STK24: variants seen among roughly 807,000 people sequenced by gnomAD.
STK24 encodes the protein serine/threonine-protein kinase 24.
A neutral mutation model predicts 55.6 loss-of-function variants in STK24; 21 were observed. The ratio of observed to expected loss-of-function variants is 0.38; its 90% CI spans 0.27 to 0.54. STK24 has a LOEUF of 0.54. STK24 is among the 20% of genes least tolerant of loss of function. The pLI, the probability that STK24 is intolerant of heterozygous loss-of-function variation, is 0.79. For synonymous variants in STK24, 200 were observed against 215.2 expected (o/e 0.93, Z 0.62); for missense variants, 383 against 538.4 (o/e 0.71, Z 2.86).
chr13:98,551,478 C>T (rs867236481), intron 1 of STK24, among the ~76,000 whole-genome samples: 42 of 151,256 alleles, frequency 2.8e-4, no homozygotes, highest in Admixed American at 5.3e-4. Flanking sequence ...CACCTTTATC[C>T]TACTCCAAAC....
rs535496829 is a variant in STK24, at chr13:98,450,477, C to G, written c.*2696G>C. 1.3e-5 allele frequency: 2 copies of G among 152,386 alleles called. No homozygotes were observed. The highest frequency in any genetic ancestry group is 2.1e-4 in the South Asian group (1 of 4,826). 9.4% of individuals were successfully genotyped at this position (152,386 alleles called of 1,614,324 possible). A position where few individuals can be genotyped will look rare whatever the true frequency, so the allele number is the denominator to read the frequency against. ...AAGGCAGATGCACTTCCAAGAAAAT[C>G]AGAACCCAGCAAGAAGTGGCCAGTG... On this transcript the variant is annotated 3_prime_UTR_variant, in exon 11 of 11. Coordinates refer to ENST00000539966, the MANE Select transcript of STK24 (RefSeq NM_001032296.4).
intron 3 of STK24, among the ~76,000 whole-genome samples, chr13:98,481,429 C>A (rs1159859397): frequency 6.6e-6 from 1 of 152,226 alleles, no homozygotes; most frequent in East Asian, 1.9e-4. Flanking sequence ...AGCCCCACCT[C>A]CACACCCTGG....
chr13:98,549,510 C>T (rs1309538319), intron 1 of STK24, among the ~76,000 whole-genome samples: 4 of 152,148 alleles, frequency 2.6e-5, no homozygotes, highest in East Asian at 1.9e-4. Context: ...GGATCCCTCG[C>T]GGCTTGGTGC....
At chr13:98,567,724 A>C (rs1011144255) in intron 1 of STK24, among the ~76,000 whole-genome samples, 1 of 152,122 alleles carries the variant, frequency 6.6e-6, no homozygotes, top group Non-Finnish European at 1.5e-5. Flanking sequence ...TAGCTCTTGG[A>C]ATTTCCTCAC....
rs921125694 is a variant in STK24, at chr13:98,475,505, C to T, written c.331-147G>A. On this transcript the variant is annotated intron_variant, in intron 3 of 10. Transcript: ENST00000539966. ...CTTAAAACACATGATTTTGCCCTAA[C>T]AATTACAGTCCACTGAGGGACCCTT... 11 of 592,660 alleles carry T rather than the reference C, an allele frequency of 1.9e-5. No individual in the cohort carries two copies. In the Admixed American group the frequency reaches 3.8e-4, roughly 20 times the overall value. The allele number at this position is 592,660 out of a possible 1,614,324, so 36.7% of individuals were successfully genotyped here. A position where few individuals can be genotyped will look rare whatever the true frequency, so the allele number is the denominator to read the frequency against.
At chr13:98,484,649 G>A (rs529598643) in intron 2 of STK24, among the ~76,000 whole-genome samples, 4 of 152,152 alleles carry the variant, frequency 2.6e-5, no homozygotes, top group Non-Finnish European at 4.4e-5. Context: ...ACGAAGGTAC[G>A]TCACCACTTG....
intron 1 of STK24, among the ~76,000 whole-genome samples, chr13:98,537,597 T>A (rs1179048845): frequency 6.6e-6 from 1 of 152,066 alleles, no homozygotes; most frequent in Non-Finnish European, 1.5e-5. Context: ...TCCACCCAGG[T>A]GCATGCCAAC....
chr13:98,561,390 C>T lies in STK24; in HGVS notation c.42+15355G>A, dbSNP rs143724268. On this transcript the variant is annotated intron_variant, in intron 1 of 10. Coordinates refer to ENST00000539966, the MANE Select transcript of STK24 (RefSeq NM_001032296.4). ...TTGAGGTCAGGAGTTCAAGACCAGC[C>T]TGGCCAACACGGTGAAACTCCCTCT... Among the ~76,000 whole-genome samples, 164 of 152,086 alleles carry T rather than the reference C, an allele frequency of 1.1e-3. 1 individual carries two copies. Among genetic ancestry groups the T allele is most frequent in the African/African-American group, 3.7e-3 (154 of 41,472 alleles).
intron 9 of STK24, 111 bp downstream of exon 9, chr13:98,460,261 C>G: frequency 9.5e-7 from 1 of 1,051,698 alleles, no homozygotes. Context: ...CGAGCCTTTG[C>G]CAGCTTGTCT....
chr13:98,567,692 G>A lies in STK24; in HGVS notation c.42+9053C>T, dbSNP rs184407788. Reference sequence around the variant, plus strand: ...CGGAGGCTCCGAGTTCTTGCCCGCCGCCCTGGCCCAGCAGTCAGTCCTAGC... The same window carrying A: ...CGGAGGCTCCGAGTTCTTGCCCGCCACCCTGGCCCAGCAGTCAGTCCTAGC... On this transcript the variant is annotated intron_variant, in intron 1 of 10. Coordinates refer to ENST00000539966, the MANE Select transcript of STK24 (RefSeq NM_001032296.4). Among the ~76,000 whole-genome samples the A allele has an allele frequency of 1.4e-3, 213 of 152,248 alleles. 2 individuals carry two copies. The highest frequency in any genetic ancestry group is 0.012 in the South Asian group (58 of 4,818).
intron 1 of STK24, among the ~76,000 whole-genome samples, chr13:98,558,656 C>G (rs1334926339): frequency 6.6e-6 from 1 of 152,190 alleles, no homozygotes; most frequent in African/African-American, 2.4e-5. Flanking sequence ...GAGTAAAAGG[C>G]TTTTCTAGCC....
chr13:98,562,131 G>A (rs1188394140), intron 1 of STK24, among the ~76,000 whole-genome samples: 3 of 152,130 alleles, frequency 2.0e-5, no homozygotes, highest in African/African-American at 4.8e-5. Context: ...CAATATCAAC[G>A]TGTACCTACA....
chr13:98,448,221 G>A lies in STK24; in HGVS notation c.*4952C>T, dbSNP rs758536289. On this transcript the variant is annotated 3_prime_UTR_variant, in exon 11 of 11. Transcript: ENST00000539966. ...CCAAACAAAAGGTTGACTAACTGGC[G>A]TTCCCGTGTTGCAGGTGGATGGAAG... is the stretch of plus-strand genomic sequence containing the variant. The A allele has an allele frequency of 1.6e-5, 26 of 1,610,970 alleles. No individual in the cohort carries two copies. The East Asian group carries it at 3.1e-4, about 19-fold the overall frequency.
chr13:98,522,183 C>T (rs760301151), intron 1 of STK24: 18 of 743,462 alleles, frequency 2.4e-5, no homozygotes, highest in Non-Finnish European at 3.0e-5. Flanking sequence ...CCTTTAGCAT[C>T]CACAGCCCCA....
intron 1 of STK24, among the ~76,000 whole-genome samples, chr13:98,556,136 G>A (rs1265392618): frequency 2.0e-5 from 3 of 152,132 alleles, no homozygotes; most frequent in Non-Finnish European, 4.4e-5. Context: ...CTCCTTCCCC[G>A]GGGAATTGTC....
intron 5 of STK24, among the ~76,000 whole-genome samples, chr13:98,471,797 C>T (rs1241502376): frequency 6.6e-6 from 1 of 152,310 alleles, no homozygotes; most frequent in East Asian, 1.9e-4. Flanking sequence ...TGAAGTCCAT[C>T]ACTTCTCCCA....
chr13:98,543,666 A>C (rs1313344505), intron 1 of STK24, among the ~76,000 whole-genome samples: 2 of 152,024 alleles, frequency 1.3e-5, no homozygotes, highest in Admixed American at 1.3e-4. Context: ...GAAGCCCTCT[A>C]CTCCCAAGTG....
intron 3 of STK24, among the ~76,000 whole-genome samples, 168 bp from the exon 4 acceptor site, chr13:98,475,526 C>T (rs934689127): frequency 6.6e-6 from 1 of 152,182 alleles, no homozygotes; most frequent in Admixed American, 6.5e-5. Context: ...CACTGAGGGA[C>T]CCTTAAAAAA....
At chr13:98,514,606 G>A (rs993103342) in intron 2 of STK24, among the ~76,000 whole-genome samples, 7 of 152,146 alleles carry the variant, frequency 4.6e-5, no homozygotes, top group African/African-American at 7.2e-5. Context: ...ATCTGAATCC[G>A]CAATGAGACA....
Sources: allele counts gnomAD v4.1 joint callset (sites outside exome capture counted in the v4.1 genomes callset), GRCh38; gene constraint gnomAD v4.1.1; transcripts MANE v1.5; gene names NCBI Gene and HGNC (gene_info 2026-07-23, HGNC 2026-07-21).